The following GCNT1 variants were observed in gnomAD, a reference collection of about 807,000 sequenced individuals.
The protein encoded by GCNT1 is glucosaminyl (N-acetyl) transferase 1.
A neutral mutation model predicts 26.2 loss-of-function variants in GCNT1; 16 were observed. That is an observed-to-expected ratio of 0.61 (90% CI 0.41 to 0.93). The LOEUF (loss-of-function observed/expected upper bound fraction) is 0.93, where lower values mean the gene tolerates loss of function less well. Ranked by LOEUF, GCNT1 falls within the 40% of genes least tolerant of loss-of-function variation. The pLI is 0.00. For missense variants in GCNT1, 477 were observed against 526.7 expected, an observed-to-expected ratio of 0.91 and a Z score of 0.92; for synonymous variants, 183 against 190.8, an observed-to-expected ratio of 0.96 and a Z score of 0.34.
intron 1 of GCNT1, among the ~76,000 whole-genome samples, chr9:76,436,546 C>T (rs1336645797): frequency 6.8e-6 from 1 of 146,454 alleles, no homozygotes; most frequent in Non-Finnish European, 1.5e-5. Context: ...GAGCTGAGAT[C>T]GCACCACTGC....
At chr9:76,463,599 C>G (rs1044746254) in intron 2 of GCNT1, among the ~76,000 whole-genome samples, 1 of 152,162 alleles carries the variant, frequency 6.6e-6, no homozygotes, top group African/African-American at 2.4e-5. Flanking sequence ...AATGTTTGTT[C>G]ATTAGAGTCA....
chr9:76,410,419 C>T, the GCNT1 span, among the ~76,000 whole-genome samples: 1 of 151,748 alleles, frequency 6.6e-6, no homozygotes, highest in Admixed American at 6.6e-5. Context: ...GTGACAAGAA[C>T]AAAACTCTCT....
At chr9:76,454,665 G>A (rs1823724662), upstream of GCNT1, among the ~76,000 whole-genome samples, 1 of 151,534 alleles carries the variant, frequency 6.6e-6, no homozygotes, top group Non-Finnish European at 1.5e-5. Context: ...TTTTGTGATA[G>A]TGAGTGAGTT....
intron 1 of GCNT1, among the ~76,000 whole-genome samples, chr9:76,445,402 A>T (rs1178736261): frequency 6.6e-6 from 1 of 151,636 alleles, no homozygotes; most frequent in Non-Finnish European, 1.5e-5. Flanking sequence ...TTATTTATTT[A>T]TTTTTTTGAC....
intron 2 of GCNT1, among the ~76,000 whole-genome samples, chr9:76,466,122 A>G (rs1823988294): frequency 6.6e-6 from 1 of 152,090 alleles, no homozygotes. Context: ...AGAATGAGAA[A>G]AGAAAAGGGC....
intron 2 of GCNT1, among the ~76,000 whole-genome samples, chr9:76,497,746 A>T (rs940983775): frequency 6.6e-6 from 1 of 152,096 alleles, no homozygotes; most frequent in Non-Finnish European, 1.5e-5. Flanking sequence ...AGATAATTCT[A>T]CTTCTCCTGT....
intron 1 of GCNT1, among the ~76,000 whole-genome samples, chr9:76,443,281 T>A (rs912866196): frequency 5.3e-5 from 8 of 152,118 alleles, no homozygotes; most frequent in Non-Finnish European, 1.0e-4. Flanking sequence ...AGGTGTGAAG[T>A]GGGATATCAG....
At chr9:76,479,550 A>C (rs150639616) in intron 2 of GCNT1, among the ~76,000 whole-genome samples, 7 of 152,206 alleles carry the variant, frequency 4.6e-5, no homozygotes, top group Non-Finnish European at 8.8e-5. Context: ...AATGATTGCC[A>C]TTCTAACTGG....
At chr9:76,406,703 A>G in the GCNT1 span, among the ~76,000 whole-genome samples, 1 of 151,504 alleles carries the variant, frequency 6.6e-6, no homozygotes. Flanking sequence ...TCCATCTCAA[A>G]AAAGGAAAAA....
chr9:76,495,214 C>A (rs1446400962), intron 2 of GCNT1, among the ~76,000 whole-genome samples: 2 of 152,020 alleles, frequency 1.3e-5, no homozygotes, highest in Non-Finnish European at 2.9e-5. Context: ...TCTCGCTGAC[C>A]AAGAATAAAG....
intron 2 of GCNT1, among the ~76,000 whole-genome samples, chr9:76,481,108 T>C (rs900883330): frequency 2.0e-5 from 3 of 152,020 alleles, no homozygotes; most frequent in Admixed American, 1.3e-4. Context: ...ATTGGTGGCG[T>C]GTGCCTGTAA....
At chr9:76,413,668 GTT>G in the GCNT1 span, among the ~76,000 whole-genome samples, 13 of 84,210 alleles carry the variant, frequency 1.5e-4, no homozygotes, top group African/African-American at 2.8e-4. Flanking sequence ...TTTTTTTTTT[GTT>G]TTTTTTTTTT....
intron 1 of GCNT1, chr9:76,420,114 G>A (rs548452982): frequency 3.3e-5 from 5 of 152,330 alleles, no homozygotes; most frequent in African/African-American, 9.6e-5. Context: ...ATTAGAAATT[G>A]CTTAGGACTT....
intron 2 of GCNT1, among the ~76,000 whole-genome samples, chr9:76,495,770 A>G (rs1400752968): frequency 3.9e-5 from 6 of 152,214 alleles, no homozygotes; most frequent in African/African-American, 1.4e-4. Context: ...GGGAGTGGCA[A>G]GGTCATATAG....
At chr9:76,404,969 C>A in the GCNT1 span, among the ~76,000 whole-genome samples, 1 of 152,010 alleles carries the variant, frequency 6.6e-6, no homozygotes, top group Non-Finnish European at 1.5e-5. Context: ...GCGTGTACAC[C>A]ACCATGCCTG....
At chr9:76,414,873 A>C (rs1425094407), upstream of GCNT1, among the ~76,000 whole-genome samples, 2 of 152,138 alleles carry the variant, frequency 1.3e-5, no homozygotes, top group Admixed American at 6.6e-5. Flanking sequence ...GTGTGATACC[A>C]GTCCTGTTCA....
In GCNT1 at chr9:76,503,222, C is replaced by T. The variant is rs151060743; in HGVS notation, c.841C>T (p.Pro281Ser). The change falls in exon 4 of 4, where the codon CCT (proline) becomes TCT (serine). Residue 281 changes from proline (P) to serine (S), a missense_variant. Pro to Ser is a moderately conservative substitution (Grantham distance 74). Transcript: ENST00000376730. ...CAAAATGCTTCCTCCACTCGAAACA[C>T]CTCTCTTTTCTGGCAGTGCCTACTT... ...TVKMLPPLET[P>S]LFSGSAYFVV... is the part of the protein sequence containing the mutation. The T allele has an allele frequency of 5.0e-6, 8 of 1,614,014 alleles. No homozygotes were observed. In the African/African-American group the frequency reaches 8.0e-5, roughly 16 times the overall value.
At chr9:76,403,052 C>G in the GCNT1 span, among the ~76,000 whole-genome samples, 1 of 152,116 alleles carries the variant, frequency 6.6e-6, no homozygotes, top group African/African-American at 2.4e-5. Context: ...ATTCTTATAC[C>G]TATATGGAAT....
intron 2 of GCNT1, among the ~76,000 whole-genome samples, chr9:76,481,036 C>T (rs1824408534): frequency 6.6e-6 from 1 of 152,138 alleles, no homozygotes; most frequent in East Asian, 1.9e-4. Flanking sequence ...GCCAGGAGTT[C>T]GAAACCAGCC....
Sources: gnomAD v4.1 joint callset for allele counts (sites outside exome capture counted in the v4.1 genomes callset) on GRCh38, gnomAD v4.1.1 for gene constraint, MANE v1.5 for transcripts, NCBI Gene and HGNC (gene_info 2026-07-23, HGNC 2026-07-21) for gene names.